PCDH15: variants seen among roughly 807,000 people sequenced by gnomAD.
PCDH15 encodes the protein protocadherin related 15, also known as protocadherin-15.
PCDH15 carries 129 observed loss-of-function variants against 178.5 expected under a neutral mutation model. The observed-to-expected ratio is 0.72, with a 90% CI of 0.63 to 0.84. The LOEUF is 0.84. PCDH15 is among the 40% of genes least tolerant of loss of function. PCDH15 has a pLI of 0.00. For missense variants in PCDH15, 2,230 were observed against 2,099.9 expected, an observed-to-expected ratio of 1.06 and a Z score of -1.21; for synonymous variants, 800 against 732.0, an observed-to-expected ratio of 1.09 and a Z score of -1.50.
At chr10:53,883,860 T>C (rs531312292) in intron 26 of PCDH15, among the ~76,000 whole-genome samples, 3 of 152,196 alleles carry the variant, frequency 2.0e-5, no homozygotes, top group Admixed American at 6.5e-5. Context: ...GGATTACAGG[T>C]GTGTGTCACT....
chr10:54,372,735 C>G (rs967479016), intron 4 of PCDH15, among the ~76,000 whole-genome samples: 6 of 151,722 alleles, frequency 4.0e-5, no homozygotes, highest in African/African-American at 1.4e-4. Flanking sequence ...GAAAAAAAAG[C>G]TAGGTAGAAA....
upstream of PCDH15, among the ~76,000 whole-genome samples, chr10:55,323,523 T>C (rs113841108): frequency 2.0e-5 from 3 of 152,186 alleles, no homozygotes; most frequent in Non-Finnish European, 4.4e-5. Flanking sequence ...CTTGCATCAG[T>C]GTGACCTGGA....
intron 1 of PCDH15, among the ~76,000 whole-genome samples, chr10:55,225,365 T>C (rs1006578890): frequency 5.9e-5 from 9 of 152,072 alleles, no homozygotes; most frequent in African/African-American, 2.2e-4. Flanking sequence ...CTATTATCAT[T>C]GCATCAAATA....
chr10:55,104,260 T>C (rs1254428886), intron 2 of PCDH15, among the ~76,000 whole-genome samples: 2 of 152,122 alleles, frequency 1.3e-5, no homozygotes, highest in African/African-American at 4.8e-5. Context: ...AATATCTTTT[T>C]TTCTCAGTGA....
At chr10:55,379,065 A>T (rs2131998691) in intron 2 of PCDH15, among the ~76,000 whole-genome samples, 1 of 152,114 alleles carries the variant, frequency 6.6e-6, no homozygotes, top group African/African-American at 2.4e-5. Context: ...TTATTTCTAA[A>T]ACAAACTTGT....
chr10:54,675,222 C>T (rs1371694272), intron 1 of PCDH15, among the ~76,000 whole-genome samples: 3 of 151,780 alleles, frequency 2.0e-5, no homozygotes, highest in East Asian at 3.9e-4. Context: ...TAAAATGATA[C>T]AGACATTAAA....
intron 2 of PCDH15, among the ~76,000 whole-genome samples, chr10:55,504,021 A>G (rs527269461): frequency 6.6e-6 from 1 of 151,628 alleles, no homozygotes; most frequent in African/African-American, 2.4e-5. Flanking sequence ...AGGCAAAAGC[A>G]AGGAATGAGT....
chr10:54,574,038 C>T (rs2090173733), intron 2 of PCDH15, among the ~76,000 whole-genome samples: 1 of 152,166 alleles, frequency 6.6e-6, no homozygotes, highest in Non-Finnish European at 1.5e-5. Context: ...AATTAGATCT[C>T]ATTTGTCAAT....
At chr10:55,226,762 A>C (rs1365996346) in intron 1 of PCDH15, among the ~76,000 whole-genome samples, 1 of 152,112 alleles carries the variant, frequency 6.6e-6, no homozygotes, top group Non-Finnish European at 1.5e-5. Context: ...TAACTACAAT[A>C]ATAATTTAAA....
chr10:54,441,512 C>A (rs2075787759), intron 3 of PCDH15, among the ~76,000 whole-genome samples: 1 of 151,894 alleles, frequency 6.6e-6, no homozygotes, highest in East Asian at 1.9e-4. Context: ...TGTGGGTTAA[C>A]CAGCGGGGCG....
At chr10:54,197,355 G>A (rs527449536) in intron 10 of PCDH15, among the ~76,000 whole-genome samples, 1 of 151,876 alleles carries the variant, frequency 6.6e-6, no homozygotes. Flanking sequence ...GTATTGGAAG[G>A]TTTAATTTAA....
At chr10:54,385,512 A>AT (rs1565144579) in intron 3 of PCDH15, among the ~76,000 whole-genome samples, 2 of 152,208 alleles carry the variant, frequency 1.3e-5, no homozygotes, top group South Asian at 4.1e-4. Context: ...AAATTCTGTC[A>AT]TTTTTTTCTA....
rs565992420 is a variant in PCDH15 at position 55,467,662 on chromosome 10, T to A, written c.-156+159963A>T. Reference sequence around the variant, plus strand: ...AAGCTATCAGAAAAAGAGCAACAAGTTTGACTAAGAATTAAAAGTGAGGCT... The same window carrying A: ...AAGCTATCAGAAAAAGAGCAACAAGATTGACTAAGAATTAAAAGTGAGGCT... On this transcript the variant is annotated intron_variant, in intron 2 of 5. Transcript: ENST00000613346. Among the ~76,000 whole-genome samples, 4 of 151,506 alleles carry A rather than the reference T, an allele frequency of 2.6e-5. No homozygotes were observed. In the South Asian group the frequency reaches 8.3e-4, roughly 32 times the overall value.
rs181686068 is a variant in PCDH15 at position 55,297,327 on chromosome 10, A to C, written c.-156+22272T>G. Reference sequence around the variant, plus strand: ...AATTCCAAATCTTTACCTGATGATAATCTGGATTTCATAAAATCTATTTTA... The same window carrying C: ...AATTCCAAATCTTTACCTGATGATACTCTGGATTTCATAAAATCTATTTTA... On this transcript the variant is annotated intron_variant, in intron 1 of 5. Coordinates refer to the PCDH15 transcript ENST00000458638. 8.5e-5 allele frequency among the ~76,000 whole-genome samples: 13 copies of C among 152,252 alleles called. No individual in the cohort carries two copies. In the East Asian group the frequency reaches 2.5e-3, roughly 29 times the overall value.
rs993338805 is a variant in PCDH15 at position 54,075,099 on chromosome 10, T to C, written c.2091+4232A>G. ...TGTTTTCTTTAAAAAATTCTCGGGC[T>C]GGGCGTGGTGGCTCACACCTGTAAT... On this transcript the variant is annotated intron_variant, in intron 17 of 37. Transcript: ENST00000644397. Among the ~76,000 whole-genome samples, 9 of 152,278 alleles carry C rather than the reference T, an allele frequency of 5.9e-5. No homozygotes were observed. In the East Asian group the frequency reaches 1.7e-3, roughly 29 times the overall value.
At chr10:54,471,124 G>C (rs1373617012) in intron 3 of PCDH15, among the ~76,000 whole-genome samples, 1 of 152,108 alleles carries the variant, frequency 6.6e-6, no homozygotes, top group Admixed American at 6.6e-5. Context: ...GTACAATATA[G>C]TTTTACAACA....
chr10:54,600,473 A>C (rs976766708), intron 2 of PCDH15: 8 of 578,380 alleles, frequency 1.4e-5, no homozygotes, highest in Non-Finnish European at 2.4e-5. Context: ...GGGGATGATA[A>C]AAATGAAGAT....
chr10:55,261,545 C>G (rs904289317), intron 1 of PCDH15, among the ~76,000 whole-genome samples: 3 of 152,094 alleles, frequency 2.0e-5, no homozygotes, highest in African/African-American at 7.2e-5. Context: ...AAAGCCACCA[C>G]TGAAATGTTA....
chr10:55,160,703 C>T lies in PCDH15; in HGVS notation c.-80+5873G>A, dbSNP rs867613922. On this transcript the variant is annotated intron_variant, in intron 2 of 5. Transcript: ENST00000458638. ...GATGCAGACTGACTTTTCAGACTAACGCTATATGCTCCTGCTAAGTGACTA... is the reference window on the plus strand; with the variant it reads ...GATGCAGACTGACTTTTCAGACTAATGCTATATGCTCCTGCTAAGTGACTA... Among the ~76,000 whole-genome samples the T allele has an allele frequency of 1.1e-4, 16 of 152,084 alleles. No homozygotes were observed. In the South Asian group the frequency reaches 1.2e-3, roughly 12 times the overall value.
Sources: allele counts gnomAD v4.1 joint callset (sites outside exome capture counted in the v4.1 genomes callset), GRCh38; gene constraint gnomAD v4.1.1; transcripts MANE v1.5; gene names NCBI Gene and HGNC (gene_info 2026-07-23, HGNC 2026-07-21).